The following DDI2 variants were observed in gnomAD, a reference collection of about 807,000 sequenced individuals.
DDI2 encodes the protein protein DDI1 homolog 2.
DDI2 carries 5 observed loss-of-function variants against 48.1 expected under a neutral mutation model. The observed-to-expected ratio is 0.10, with a 90% CI of 0.05 to 0.22. DDI2 has a LOEUF of 0.22. Among genes scored for constraint, DDI2 ranks in the 10% least tolerant of loss-of-function variants. The pLI is 1.00. For missense variants in DDI2, 285 were observed against 506.2 expected (o/e 0.56, Z 4.19); for synonymous variants, 205 against 183.6 (o/e 1.12, Z -0.94).
At chr1:15,623,325 A>G (rs903674364) in intron 1 of DDI2, among the ~76,000 whole-genome samples, 1 of 150,514 alleles carries the variant, frequency 6.6e-6, no homozygotes, top group African/African-American at 2.4e-5. Flanking sequence ...GGAAAGCTGT[A>G]TATGATACTC....
intron 8 of DDI2, among the ~76,000 whole-genome samples, chr1:15,656,038 A>C (rs1640269750): frequency 6.6e-6 from 1 of 152,116 alleles, no homozygotes; most frequent in Admixed American, 6.5e-5. Context: ...ATGGTGTCTC[A>C]CTATGTTGCC....
chr1:15,657,694 A>G (rs1640292306), intron 9 of DDI2, among the ~76,000 whole-genome samples: 1 of 152,260 alleles, frequency 6.6e-6, no homozygotes, highest in African/African-American at 2.4e-5. Context: ...GCTTACATGG[A>G]TATTTCACTA....
chr1:15,650,262 G>T (rs904116174), intron 7 of DDI2, among the ~76,000 whole-genome samples: 2 of 152,164 alleles, frequency 1.3e-5, no homozygotes, highest in African/African-American at 4.8e-5. Context: ...TTAGTACAGG[G>T]TGCATAATTA....
chr1:15,660,952 C>CT lies in DDI2; in HGVS notation c.*1166dup. On this transcript the variant is annotated 3_prime_UTR_variant, in exon 10 of 10. Transcript: ENST00000480945. ...GGCAGCCTTGAAAGAACTTCATGAA[C>CT]TTTTGGTTGTTAGCAGTAAACCAGC... 1 of 1,613,358 alleles carries CT rather than the reference C, an allele frequency of 6.2e-7. No homozygotes were observed. Among genetic ancestry groups the CT allele is most frequent in the Non-Finnish European group, 8.5e-7 (1 of 1,179,772 alleles).
chr1:15,627,566 A>G (rs1333017644), intron 2 of DDI2, among the ~76,000 whole-genome samples: 3 of 152,230 alleles, frequency 2.0e-5, no homozygotes, highest in Non-Finnish European at 4.4e-5. Context: ...AATAATATGC[A>G]GAATTGTGTG....
intron 3 of DDI2, among the ~76,000 whole-genome samples, chr1:15,633,166 C>T (rs529553554): frequency 6.6e-6 from 1 of 151,992 alleles, no homozygotes; most frequent in Non-Finnish European, 1.5e-5. Context: ...TAGGCTCAAA[C>T]GGTCCTCCCA....
At chr1:15,621,083 A>G (rs968189758) in intron 1 of DDI2, among the ~76,000 whole-genome samples, 3 of 152,286 alleles carry the variant, frequency 2.0e-5, no homozygotes, top group Non-Finnish European at 2.9e-5. Flanking sequence ...CTGCTTGTAC[A>G]TGTGATTAAA....
Position 15,663,847 on chromosome 1 carries a change from C to G in DDI2, c.*4057C>G, listed in dbSNP as rs888048047. ...AATAGACTCCCTCCTAAAGGGCCTTCCATGTAAGCAGAACGAACCTTGGCA... is the reference window on the plus strand; with the variant it reads ...AATAGACTCCCTCCTAAAGGGCCTTGCATGTAAGCAGAACGAACCTTGGCA... On this transcript the variant is annotated 3_prime_UTR_variant, in exon 10 of 10. Transcript: ENST00000480945. 2 of 152,114 alleles carry G rather than the reference C, an allele frequency of 1.3e-5. No individual in the cohort carries two copies. The highest frequency in any genetic ancestry group is 4.8e-5 in the African/African-American group (2 of 41,422). 9.4% of individuals were successfully genotyped at this position (152,114 alleles called of 1,614,324 possible).
Position 15,661,000 on chromosome 1 carries a change from G to C in DDI2, c.*1210G>C. ...AGCTTCAGAAAATACATCTGAAGAAGTAATCTGTCAATCAGAAACCATAGC... is the reference window on the plus strand; with the variant it reads ...AGCTTCAGAAAATACATCTGAAGAACTAATCTGTCAATCAGAAACCATAGC... On this transcript the variant is annotated 3_prime_UTR_variant, in exon 10 of 10. Coordinates refer to ENST00000480945, the MANE Select transcript of DDI2 (RefSeq NM_032341.5). 1 of 1,614,046 alleles carries C rather than the reference G, an allele frequency of 6.2e-7. No individual in the cohort carries two copies. The highest frequency in any genetic ancestry group is 1.1e-5 in the South Asian group (1 of 91,054).
intron 8 of DDI2, among the ~76,000 whole-genome samples, chr1:15,655,263 T>C (rs556236742): frequency 1.3e-5 from 2 of 152,314 alleles, no homozygotes; most frequent in South Asian, 2.1e-4. Context: ...ATTTAGAACA[T>C]CGACTTCCTA....
chr1:15,628,410 A>G (rs1639791177), intron 2 of DDI2, among the ~76,000 whole-genome samples: 1 of 152,246 alleles, frequency 6.6e-6, no homozygotes, highest in Admixed American at 6.5e-5. Flanking sequence ...TCTGAGGTCC[A>G]AAAAGGCTTC....
At chr1:15,636,283 C>T (rs1304707163) in intron 4 of DDI2, among the ~76,000 whole-genome samples, 3 of 152,140 alleles carry the variant, frequency 2.0e-5, no homozygotes, top group African/African-American at 4.8e-5. Flanking sequence ...CACACCACCA[C>T]ACCTGGCTAA....
In DDI2 at chr1:15,660,222, C is replaced by G; in HGVS notation, c.*432C>G. On this transcript the variant is annotated 3_prime_UTR_variant, in exon 10 of 10. Transcript: ENST00000480945. ...TGGAGAAATCTGCTGAAAGAAGCAC[C>G]CAGGGCCTCAAATTTCATCTCCATA... 2 of 1,614,106 alleles carry G rather than the reference C, an allele frequency of 1.2e-6. No individual in the cohort carries two copies. Among genetic ancestry groups the G allele is most frequent in the Non-Finnish European group, 1.7e-6 (2 of 1,180,028 alleles).
Position 15,664,694 on chromosome 1 carries a change from G to C in DDI2, c.*4904G>C, listed in dbSNP as rs1357460681. 6.6e-6 allele frequency: 1 copy of C among 152,172 alleles called. No homozygotes were observed. Among genetic ancestry groups the C allele is most frequent in the Non-Finnish European group, 1.5e-5 (1 of 68,046 alleles). 9.4% of individuals were successfully genotyped at this position (152,172 alleles called of 1,614,324 possible). On this transcript the variant is annotated 3_prime_UTR_variant, in exon 10 of 10. Transcript: ENST00000480945. ...CCGGACAGCTCCTTTACCATAACCA[G>C]TAGTGGGCAGTTCTGCGGTCAGCAC...
In DDI2 at chr1:15,645,265, G is replaced by T. The variant is rs141233371; in HGVS notation, c.889+1615G>T. ...TTTGAATTTTCACAATGCATGCTTG[G>T]GTGTGGATCTCTTCTCATATACTGT... On this transcript the variant is annotated intron_variant, in intron 6 of 9. Coordinates refer to ENST00000480945, the MANE Select transcript of DDI2 (RefSeq NM_032341.5). Among the ~76,000 whole-genome samples the T allele has an allele frequency of 2.0e-5, 3 of 152,260 alleles. No homozygotes were observed. In the East Asian group the frequency reaches 5.8e-4, roughly 29 times the overall value.
intron 8 of DDI2, among the ~76,000 whole-genome samples, chr1:15,652,733 G>A (rs1640211212): frequency 2.0e-5 from 3 of 152,056 alleles, no homozygotes; most frequent in African/African-American, 7.2e-5. Context: ...TGAGGCAGGA[G>A]AATGACATAA....
In DDI2 at chr1:15,666,166, G is replaced by A. The variant is rs1045615769; in HGVS notation, c.*6376G>A. 6.6e-6 allele frequency: 1 copy of A among 152,146 alleles called. No homozygotes were observed. The highest frequency in any genetic ancestry group is 1.5e-5 in the Non-Finnish European group (1 of 68,028). 9.4% of individuals were successfully genotyped at this position (152,146 alleles called of 1,614,324 possible). ...TGAGAACTGGAAATGTAAAATCATG[G>A]TTCAAGTTTTATACCTTAGTGATTC... On this transcript the variant is annotated 3_prime_UTR_variant, in exon 10 of 10. Transcript: ENST00000480945.
At position 15,664,334 on chromosome 1, in the gene DDI2, G is replaced by A. The variant is rs921832079; in HGVS notation, c.*4544G>A. ...TAATCCCAGCTACTTGGGAGACTGA[G>A]GCAGGAGAATTGCTTGAACCTGGGA... On this transcript the variant is annotated 3_prime_UTR_variant, in exon 10 of 10. Transcript: ENST00000480945. 2.0e-5 allele frequency: 3 copies of A among 151,904 alleles called. No homozygotes were observed. The highest frequency in any genetic ancestry group is 6.6e-5 in the Admixed American group (1 of 15,226). The allele number at this position is 151,904 out of a possible 1,614,324, so 9.4% of individuals were successfully genotyped here. A position where few individuals can be genotyped will look rare whatever the true frequency, so the allele number is the denominator to read the frequency against.
Position 15,638,318 on chromosome 1 carries a change from T to G in DDI2, c.644T>G (p.Ile215Ser). 6.2e-7 allele frequency: 1 copy of G among 1,613,842 alleles called. No individual in the cohort carries two copies. Among genetic ancestry groups the G allele is most frequent in the Non-Finnish European group, 8.5e-7 (1 of 1,179,872 alleles). Residue 215 changes from isoleucine to serine, a missense_variant, in exon 5 of 10, where the codon ATT (isoleucine) becomes AGT (serine). By Grantham distance (142) the Ile-to-Ser change is moderately radical (BLOSUM62 -2). Transcript: ENST00000480945. ...KIEEDIRQQN[I>S]EENMTIAMEE... Reference sequence around the variant, plus strand: ...TTGTTCTGTTACAGGCAACAGAACATTGAGGAAAACATGACAATAGCTATG... The same window carrying G: ...TTGTTCTGTTACAGGCAACAGAACAGTGAGGAAAACATGACAATAGCTATG...
Sources: allele counts gnomAD v4.1 joint callset (sites outside exome capture counted in the v4.1 genomes callset), GRCh38; gene constraint gnomAD v4.1.1; transcripts MANE v1.5; gene names NCBI Gene and HGNC (gene_info 2026-07-23, HGNC 2026-07-21).